The following PARP8 variants were observed in gnomAD, a reference collection of about 807,000 sequenced individuals.
PARP8 encodes the protein poly(ADP-ribose) polymerase family member 8, also known as protein mono-ADP-ribosyltransferase PARP8.
PARP8 carries 51 observed loss-of-function variants against 124.1 expected under a neutral mutation model. That is an observed-to-expected ratio of 0.41 (90% CI 0.33 to 0.52). The LOEUF (loss-of-function observed/expected upper bound fraction) is 0.52, where lower values mean the gene tolerates loss of function less well. Among genes scored for constraint, PARP8 ranks in the 20% least tolerant of loss-of-function variants. PARP8 has a pLI of 0.21. For missense variants in PARP8, 860 were observed against 1,018.9 expected, an observed-to-expected ratio of 0.84 and a Z score of 2.12; for synonymous variants, 391 against 361.5, an observed-to-expected ratio of 1.08 and a Z score of -0.93.
At chr5:50,802,860 T>A (rs1342815968) in intron 14 of PARP8, among the ~76,000 whole-genome samples, 1 of 152,170 alleles carries the variant, frequency 6.6e-6, no homozygotes, top group African/African-American at 2.4e-5. Context: ...ATATATATAT[T>A]TGTGTGCAGT....
At chr5:50,695,656 A>G (rs1752945660) in intron 2 of PARP8, among the ~76,000 whole-genome samples, 1 of 150,632 alleles carries the variant, frequency 6.6e-6, no homozygotes, top group South Asian at 2.1e-4. Flanking sequence ...TTCATTGTAT[A>G]GTTCAGTAAT....
chr5:50,754,208 G>T (rs1759646866), intron 3 of PARP8, among the ~76,000 whole-genome samples: 1 of 139,078 alleles, frequency 7.2e-6, no homozygotes. Context: ...TATACTTTAA[G>T]TTCTAGGGTA....
intron 12 of PARP8, 131 bp from the exon 13 acceptor site, chr5:50,796,851 A>G (rs1326095263): frequency 4.0e-6 from 3 of 751,836 alleles, no homozygotes; most frequent in African/African-American, 3.6e-5. Flanking sequence ...TGATGTCATC[A>G]GTGACTCAAT....
chr5:50,748,376 A>G (rs1209398397), intron 2 of PARP8, among the ~76,000 whole-genome samples: 1 of 152,124 alleles, frequency 6.6e-6, no homozygotes, highest in African/African-American at 2.4e-5. Context: ...CTGTAATCAT[A>G]TGTGTGTGAA....
intron 7 of PARP8, among the ~76,000 whole-genome samples, chr5:50,764,949 A>T (rs1561347748): frequency 6.6e-6 from 1 of 151,852 alleles, no homozygotes; most frequent in Non-Finnish European, 1.5e-5. Flanking sequence ...ATAGACTTCA[A>T]CTTCTTTTTT....
At chr5:50,785,600 T>G (rs1741161113) in intron 9 of PARP8, among the ~76,000 whole-genome samples, 1 of 152,212 alleles carries the variant, frequency 6.6e-6, no homozygotes, top group Admixed American at 6.5e-5. Flanking sequence ...TATTCACTTT[T>G]GAATTTTGAT....
intron 7 of PARP8, among the ~76,000 whole-genome samples, chr5:50,773,014 G>T (rs1761786421): frequency 6.6e-6 from 1 of 152,140 alleles, no homozygotes; most frequent in Admixed American, 6.5e-5. Flanking sequence ...CCCTTTTAAA[G>T]TCAGATTATT....
chr5:50,672,835 G>T (rs576758843), intron 2 of PARP8, among the ~76,000 whole-genome samples: 3 of 152,090 alleles, frequency 2.0e-5, no homozygotes, highest in Non-Finnish European at 1.5e-5. Context: ...CCAGAAAGGA[G>T]AAGTGTATGT....
rs773746515 is a variant in PARP8 at position 50,821,349 on chromosome 5, A to T, written c.1794+11A>T. 1.2e-6 allele frequency: 2 copies of T among 1,613,756 alleles called. No individual in the cohort carries two copies. The highest frequency in any genetic ancestry group is 1.7e-6 in the Non-Finnish European group (2 of 1,179,798). ...GCCTTCAACCCCAGGGTAAGTTGTT[A>T]TCATGGCACACCAATCACAAAGTTT... is the stretch of plus-strand genomic sequence containing the variant. On this transcript the variant is annotated intron_variant, in intron 16 of 25. Coordinates refer to ENST00000281631, the MANE Select transcript of PARP8 (RefSeq NM_024615.4).
intron 15 of PARP8, among the ~76,000 whole-genome samples, chr5:50,816,219 T>G (rs1364910005): frequency 6.6e-6 from 1 of 152,126 alleles, no homozygotes; most frequent in Non-Finnish European, 1.5e-5. Context: ...TATGAATAAA[T>G]TTAATGTATG....
At position 50,821,124 on chromosome 5, in the gene PARP8, T is replaced by A. The variant is rs1189017770; in HGVS notation, c.1669-89T>A. 38 of 1,482,428 alleles carry A rather than the reference T, an allele frequency of 2.6e-5. 1 individual carries two copies. The highest frequency in any genetic ancestry group is 5.6e-6 in the Non-Finnish European group (6 of 1,071,202). The allele number at this position is 1,482,428 out of a possible 1,614,324, so 91.8% of individuals were successfully genotyped here. Reference sequence around the variant, plus strand: ...TGGTAGCAGTCCTGATCTTCCTCATTAACTTATGCTACCTTGAGAGGGAGA... The same window carrying A: ...TGGTAGCAGTCCTGATCTTCCTCATAAACTTATGCTACCTTGAGAGGGAGA... On this transcript the variant is annotated intron_variant, in intron 15 of 25. Coordinates refer to ENST00000281631, the MANE Select transcript of PARP8 (RefSeq NM_024615.4).
chr5:50,834,619 C>T (rs76636651), intron 24 of PARP8, among the ~76,000 whole-genome samples: 6,393 of 152,164 alleles, frequency 0.042, 430 homozygotes, highest in African/African-American at 0.15. Flanking sequence ...TTTCAACACA[C>T]GGTAGTTATA....
chr5:50,694,290 T>C (rs191734875), intron 2 of PARP8, among the ~76,000 whole-genome samples: 1 of 152,212 alleles, frequency 6.6e-6, no homozygotes, highest in Non-Finnish European at 1.5e-5. Context: ...GTGTGGGATA[T>C]TAGAATTCTT....
chr5:50,820,525 C>T (rs767223530), intron 15 of PARP8, among the ~76,000 whole-genome samples: 11 of 152,270 alleles, frequency 7.2e-5, no homozygotes, highest in Non-Finnish European at 1.6e-4. Flanking sequence ...AACAGGATAA[C>T]ACAGGAATAA....
At chr5:50,788,644 A>T in intron 10 of PARP8, 55 bp downstream of exon 10, 1 of 1,410,658 alleles carries the variant, frequency 7.1e-7, no homozygotes, top group Non-Finnish European at 9.8e-7. Flanking sequence ...CTGAGTTCTC[A>T]TTTTGTTCAT....
At chr5:50,667,560 G>A (rs779585820) in intron 1 of PARP8, 6 of 697,850 alleles carry the variant, frequency 8.6e-6, no homozygotes, top group South Asian at 5.9e-5. Context: ...TGGGCTGAGC[G>A]GCGGCGGCCG....
At position 50,832,831 on chromosome 5, in the gene PARP8, A is replaced by G; in HGVS notation, c.2284A>G (p.Ser762Gly). The G allele has an allele frequency of 6.2e-7, 1 of 1,613,518 alleles. No individual in the cohort carries two copies. Among genetic ancestry groups the G allele is most frequent in the Non-Finnish European group, 8.5e-7 (1 of 1,179,580 alleles). ...VSAKDEPASS[S>G]KSSNTSQSQK... Reference sequence around the variant, plus strand: ...AGCCAAGGACGAGCCAGCTTCAAGCAGTAAAAGCAGCAATACATCACAGGT... The same window carrying G: ...AGCCAAGGACGAGCCAGCTTCAAGCGGTAAAAGCAGCAATACATCACAGGT... The change falls in exon 23 of 26, where the codon AGT (serine) becomes GGT (glycine). Residue 762 changes from serine to glycine, a missense_variant. Ser to Gly is a moderately conservative substitution (Grantham distance 56). Transcript: ENST00000281631.
intron 2 of PARP8, among the ~76,000 whole-genome samples, chr5:50,728,342 G>C (rs758377076): frequency 6.6e-6 from 1 of 152,148 alleles, no homozygotes; most frequent in African/African-American, 2.4e-5. Context: ...CTGTGAATTA[G>C]CTCATAAAAA....
intron 14 of PARP8, among the ~76,000 whole-genome samples, chr5:50,811,288 C>G (rs1170595958): frequency 3.3e-5 from 5 of 151,650 alleles, no homozygotes; most frequent in Non-Finnish European, 7.4e-5. Context: ...TATAAACAGA[C>G]CAGGGTTGGG....
Sources: allele counts gnomAD v4.1 joint callset (sites outside exome capture counted in the v4.1 genomes callset), GRCh38; gene constraint gnomAD v4.1.1; transcripts MANE v1.5; gene names NCBI Gene and HGNC (gene_info 2026-07-23, HGNC 2026-07-21).